The following TANC2 variants were observed in gnomAD, a reference collection of about 807,000 sequenced individuals.
TANC2 encodes protein TANC2.
Under a neutral mutation model 210.5 loss-of-function variants are expected in TANC2, and 26 were observed. The observed-to-expected ratio is 0.12, with a 90% confidence interval of 0.09 to 0.17. The LOEUF (loss-of-function observed/expected upper bound fraction) is 0.17, where lower values mean the gene tolerates loss of function less well. TANC2 is among the 10% of genes least tolerant of loss of function. TANC2 has a pLI of 1.00. For synonymous variants in TANC2, 931 were observed against 967.1 expected (o/e 0.96, Z 0.69); for missense variants, 2,129 against 2,608.9 (o/e 0.82, Z 4.01).
At chr17:63,144,544 C>T (rs1312755276) in intron 4 of TANC2, among the ~76,000 whole-genome samples, 1 of 152,086 alleles carries the variant, frequency 6.6e-6, no homozygotes, top group African/African-American at 2.4e-5. Flanking sequence ...TTTGACACTT[C>T]AGCATAAATT....
chr17:63,422,654 A>G (rs1303340420), exon 28 of TANC2: 2 of 152,234 alleles, frequency 1.3e-5, no homozygotes, highest in Non-Finnish European at 1.5e-5. Context: ...AGCCCTTTAA[A>G]TATTGCAGTC....
chr17:63,183,033 TA>T (rs1400501965), intron 5 of TANC2, among the ~76,000 whole-genome samples: 44 of 151,972 alleles, frequency 2.9e-4, no homozygotes, highest in African/African-American at 9.9e-4. Flanking sequence ...CTATTTGTCT[TA>T]AACTTTTGAA....
intron 6 of TANC2, among the ~76,000 whole-genome samples, chr17:63,200,373 A>AAAG (rs1555604402): frequency 4.7e-5 from 7 of 149,816 alleles, no homozygotes; most frequent in South Asian, 2.1e-4. Flanking sequence ...AAAAAAAAAA[A>AAAG]AAAGAAAGAA....
At chr17:63,072,767 G>A (rs2036442865) in intron 2 of TANC2, among the ~76,000 whole-genome samples, 1 of 151,968 alleles carries the variant, frequency 6.6e-6, no homozygotes, top group South Asian at 2.1e-4. Context: ...TACTGTACTT[G>A]CTAGTTTAAC....
intron 4 of TANC2, among the ~76,000 whole-genome samples, chr17:63,113,599 C>T (rs1185213378): frequency 1.3e-5 from 2 of 152,190 alleles, no homozygotes; most frequent in African/African-American, 4.8e-5. Context: ...CCTCAACCTC[C>T]TGGGGTCAAG....
chr17:63,073,183 T>C (rs1220753638), intron 2 of TANC2, among the ~76,000 whole-genome samples: 1 of 152,120 alleles, frequency 6.6e-6, no homozygotes, highest in Admixed American at 6.6e-5. Context: ...TTTAGTTTCA[T>C]ATTTTATATT....
At chr17:63,163,912 G>C (rs1037821957) in intron 5 of TANC2, among the ~76,000 whole-genome samples, 1 of 151,978 alleles carries the variant, frequency 6.6e-6, no homozygotes, top group Non-Finnish European at 1.5e-5. Context: ...TTTGTTTTTT[G>C]GCATAAATAC....
At chr17:63,028,724 A>C (rs2034653195) in intron 2 of TANC2, among the ~76,000 whole-genome samples, 1 of 152,158 alleles carries the variant, frequency 6.6e-6, no homozygotes. Context: ...AGTTCAAAAT[A>C]ATCCTTATGC....
chr17:63,167,884 CAAAAAAAAAAAAAAA>C (rs760465295), intron 5 of TANC2, among the ~76,000 whole-genome samples: 1 of 63,992 alleles, frequency 1.6e-5, no homozygotes, highest in Non-Finnish European at 2.8e-5. Context: ...GACTCTGTCT[CAAAAAAAAAAAAAAA>C]AAAAAAAAAA....
chr17:63,117,648 G>C (rs181964240), intron 4 of TANC2, among the ~76,000 whole-genome samples: 85 of 152,274 alleles, frequency 5.6e-4, no homozygotes, highest in Admixed American at 1.4e-3. Context: ...TTAAAGTGTG[G>C]GTCATTCCTG....
rs34592714 is a variant in TANC2, at chr17:63,412,607, CTTTT to C, written c.3899-63_3899-60del. The stretch of plus-strand genomic sequence containing the variant: ...TGCCTCTCACTGCTGCTTTTTCCTT[CTTTT>C]TTTTTTTTTCACCTTCATCCATTTT... On this transcript the variant is annotated intron_variant, in intron 23 of 27. Coordinates refer to ENST00000689528, the Ensembl canonical transcript of TANC2. The surrounding 1 kb of genome is among the most constrained non-coding windows in gnomAD (Gnocchi z 4.2). 11 of 1,151,496 alleles carry C rather than the reference CTTTT, an allele frequency of 9.6e-6. No individual in the cohort carries two copies. The highest frequency in any genetic ancestry group is 3.2e-5 in the African/African-American group (2 of 62,386). 71.3% of individuals were successfully genotyped at this position (1,151,496 alleles called of 1,614,324 possible).
chr17:63,131,001 A>G (rs533994585), intron 4 of TANC2: 1 of 152,342 alleles, frequency 6.6e-6, no homozygotes, highest in African/African-American at 2.4e-5. Context: ...AGAGTCAACC[A>G]GCATCAGTGA....
intron 5 of TANC2, among the ~76,000 whole-genome samples, chr17:63,166,938 G>C (rs2040230053): frequency 6.6e-6 from 1 of 151,742 alleles, no homozygotes; most frequent in Non-Finnish European, 1.5e-5. Context: ...ATAGGAATAA[G>C]AAAGAGAAAA....
chr17:63,261,095 C>G (rs995904038), intron 8 of TANC2, among the ~76,000 whole-genome samples: 4 of 151,890 alleles, frequency 2.6e-5, no homozygotes, highest in African/African-American at 9.7e-5. Context: ...AAATATTAGC[C>G]AGGTACAGTG....
intron 12 of TANC2, among the ~76,000 whole-genome samples, chr17:63,343,962 T>G (rs1382472708): frequency 1.3e-5 from 2 of 152,154 alleles, no homozygotes; most frequent in Non-Finnish European, 2.9e-5. Context: ...AACATCCACA[T>G]AATCGTTTCA....
chr17:63,017,986 A>G (rs1243888218), intron 2 of TANC2, among the ~76,000 whole-genome samples: 1 of 151,950 alleles, frequency 6.6e-6, no homozygotes, highest in Non-Finnish European at 1.5e-5. Flanking sequence ...TAAAAAAAAG[A>G]ATTAAAAAAT....
intron 5 of TANC2, among the ~76,000 whole-genome samples, chr17:63,178,250 G>A (rs771341505): frequency 7.9e-5 from 12 of 151,996 alleles, no homozygotes; most frequent in African/African-American, 1.9e-4. Flanking sequence ...GGAGAATGGC[G>A]TGAACCCGGG....
chr17:63,084,760 A>C (rs1365307504), intron 3 of TANC2, among the ~76,000 whole-genome samples: 1 of 152,086 alleles, frequency 6.6e-6, no homozygotes, highest in African/African-American at 2.4e-5. Flanking sequence ...ATGTGTGTTT[A>C]CTATCCAAGT....
intron 11 of TANC2, among the ~76,000 whole-genome samples, chr17:63,339,715 T>G (rs2046162582): frequency 6.7e-6 from 1 of 149,848 alleles, no homozygotes; most frequent in South Asian, 2.1e-4. Context: ...TTCCTCATGC[T>G]TTGTTTAAAG....
Sources: allele counts gnomAD v4.1 joint callset (sites outside exome capture counted in the v4.1 genomes callset), GRCh38; gene constraint gnomAD v4.1.1; non-coding constraint Gnocchi (gnomAD v3.1); transcripts MANE v1.5; gene names NCBI Gene and HGNC (gene_info 2026-07-23, HGNC 2026-07-21).